PRLR: variants seen among roughly 807,000 people sequenced by gnomAD.
PRLR encodes hPRL receptor.
PRLR carries 13 observed loss-of-function variants against 40.2 expected under a neutral mutation model. The ratio of observed to expected loss-of-function variants is 0.32; its 90% CI spans 0.21 to 0.51. The LOEUF (loss-of-function observed/expected upper bound fraction) is 0.51. Among genes scored for constraint, PRLR ranks in the 20% least tolerant of loss-of-function variants. The pLI, the probability that PRLR is intolerant of heterozygous loss-of-function variation, is 0.97. For missense variants in PRLR, 656 were observed against 747.3 expected, an observed-to-expected ratio of 0.88 and a Z score of 1.42; for synonymous variants, 269 against 278.7, an observed-to-expected ratio of 0.97 and a Z score of 0.35.
intron 9 of PRLR, among the ~76,000 whole-genome samples, chr5:35,066,851 C>T (rs966030053): frequency 6.6e-6 from 1 of 151,280 alleles, no homozygotes; most frequent in Non-Finnish European, 1.5e-5. Flanking sequence ...GCAAGCTCCG[C>T]CTCCCGGGTT....
intron 2 of PRLR, 43 bp downstream of exon 2, chr5:35,118,018 A>T: frequency 1.1e-6 from 1 of 938,540 alleles, no homozygotes. Flanking sequence ...AGTGGGGCAG[A>T]TGGGTGGTGT....
chr5:35,061,893 G>C lies in PRLR; in HGVS notation c.*3196C>G, dbSNP rs553116332. On this transcript the variant is annotated 3_prime_UTR_variant, in exon 10 of 10. Transcript: ENST00000618457. ...AATATAAGAAAAGAGATTTGGGGCT[G>C]TTGGATTCAGCAAGGAATGAGCATG... 1 of 152,290 alleles carries C rather than the reference G, an allele frequency of 6.6e-6. No individual in the cohort carries two copies. Among genetic ancestry groups the C allele is most frequent in the Non-Finnish European group, 1.5e-5 (1 of 68,026 alleles). 9.4% of individuals were successfully genotyped at this position (152,290 alleles called of 1,614,324 possible).
intron 1 of PRLR, among the ~76,000 whole-genome samples, chr5:35,196,293 A>T (rs1401357815): frequency 1.3e-5 from 2 of 152,194 alleles, no homozygotes; most frequent in African/African-American, 4.8e-5. Context: ...TGACAAATGT[A>T]TATGGTAAGG....
chr5:35,143,907 A>C (rs1774096816), intron 1 of PRLR, among the ~76,000 whole-genome samples: 1 of 83,490 alleles, frequency 1.2e-5, no homozygotes, highest in Non-Finnish European at 2.5e-5. Context: ...AAAACAAACA[A>C]AATTTTTAAA....
intron 1 of PRLR, among the ~76,000 whole-genome samples, chr5:35,119,735 C>A (rs1018861364): frequency 2.0e-5 from 3 of 152,162 alleles, no homozygotes; most frequent in Non-Finnish European, 2.9e-5. Context: ...GCAAATCCTG[C>A]TCCGTTCTGT....
chr5:35,132,101 A>G (rs1174712130), intron 1 of PRLR, among the ~76,000 whole-genome samples: 1 of 152,210 alleles, frequency 6.6e-6, no homozygotes, highest in Non-Finnish European at 1.5e-5. Flanking sequence ...ATGTATCCCC[A>G]GAAAAGTCAC....
chr5:35,066,177 T>A (rs1769360628), intron 9 of PRLR, 75 bp from the exon 10 acceptor site: 3 of 1,373,814 alleles, frequency 2.2e-6, no homozygotes, highest in African/African-American at 1.4e-5. Context: ...TGCTAAGTGG[T>A]GCTGTTCATT....
Position 35,189,359 on chromosome 5 carries a change from C to T in PRLR, c.-106+40909G>A, listed in dbSNP as rs536397704. Among the ~76,000 whole-genome samples the T allele has an allele frequency of 1.8e-4, 28 of 152,076 alleles. 1 individual carries two copies. Among genetic ancestry groups the T allele is most frequent in the African/African-American group, 6.5e-4 (27 of 41,496 alleles). ...ACTTTGGGAGGTTGAGGCACGTGGA[C>T]CACTTGAGGTCAGGAGTTTGAGACC... On this transcript the variant is annotated intron_variant, in intron 1 of 9. Coordinates refer to ENST00000618457, the MANE Select transcript of PRLR (RefSeq NM_000949.7).
chr5:35,183,959 T>G (rs1451096799), intron 1 of PRLR, among the ~76,000 whole-genome samples: 1 of 152,144 alleles, frequency 6.6e-6, no homozygotes, highest in Non-Finnish European at 1.5e-5. Flanking sequence ...TAACTTGAAT[T>G]TATTTGTATA....
intron 2 of PRLR, among the ~76,000 whole-genome samples, chr5:35,107,855 T>C (rs1462893675): frequency 6.6e-6 from 1 of 152,084 alleles, no homozygotes; most frequent in Admixed American, 6.5e-5. Context: ...AAAGAGGGAA[T>C]CCTCCCTAAC....
intron 1 of PRLR, among the ~76,000 whole-genome samples, chr5:35,193,430 G>C (rs1775658002): frequency 6.6e-6 from 1 of 152,150 alleles, no homozygotes; most frequent in Non-Finnish European, 1.5e-5. Flanking sequence ...TTCATTCTCT[G>C]TCTTCATTTC....
chr5:35,182,074 G>A (rs1054702253), intron 1 of PRLR, among the ~76,000 whole-genome samples: 1 of 152,140 alleles, frequency 6.6e-6, no homozygotes, highest in Non-Finnish European at 1.5e-5. Context: ...CAAACAAGGG[G>A]CTTTGATGGT....
At chr5:35,100,121 T>G (rs539878762) in intron 2 of PRLR, among the ~76,000 whole-genome samples, 5 of 144,232 alleles carry the variant, frequency 3.5e-5, no homozygotes, top group African/African-American at 1.3e-4. Context: ...GAGTTTGCAG[T>G]GAGCCGAGAT....
chr5:35,122,042 T>C (rs141730092), intron 1 of PRLR, among the ~76,000 whole-genome samples: 3 of 152,258 alleles, frequency 2.0e-5, no homozygotes, highest in Non-Finnish European at 4.4e-5. Context: ...GAGAAAATAA[T>C]ACATGGTAAT....
intron 1 of PRLR, among the ~76,000 whole-genome samples, chr5:35,151,955 G>A (rs370246767): frequency 4.6e-5 from 7 of 152,126 alleles, no homozygotes; most frequent in Non-Finnish European, 8.8e-5. Context: ...CTAGTTGACC[G>A]GAACAAACAG....
intron 7 of PRLR, 45 bp from the exon 8 acceptor site, chr5:35,068,923 T>G (rs749729306): frequency 7.0e-7 from 1 of 1,420,344 alleles, no homozygotes; most frequent in South Asian, 1.2e-5. Context: ...TACAGCATCA[T>G]TAAAAACAAA....
At chr5:35,086,806 G>T (rs552203847) in intron 3 of PRLR, among the ~76,000 whole-genome samples, 17 of 152,092 alleles carry the variant, frequency 1.1e-4, no homozygotes, top group Non-Finnish European at 1.8e-4. Flanking sequence ...AGACACTCTG[G>T]CAAAACACCG....
intron 1 of PRLR, among the ~76,000 whole-genome samples, chr5:35,189,212 C>A (rs1300096048): frequency 1.3e-5 from 2 of 152,194 alleles, no homozygotes; most frequent in Non-Finnish European, 1.5e-5. Context: ...GGCACAGATT[C>A]TTCCTCACAG....
intron 5 of PRLR, among the ~76,000 whole-genome samples, chr5:35,076,763 A>G (rs898556060): frequency 9.2e-5 from 14 of 152,208 alleles, no homozygotes; most frequent in African/African-American, 3.1e-4. Flanking sequence ...CAAAGTTAAA[A>G]TAAAGGAAAA....
Sources: gnomAD v4.1 joint callset for allele counts (sites outside exome capture counted in the v4.1 genomes callset) on GRCh38, gnomAD v4.1.1 for gene constraint, MANE v1.5 for transcripts, NCBI Gene and HGNC (gene_info 2026-07-23, HGNC 2026-07-21) for gene names.